IL1RAPL1: variants seen among roughly 807,000 people sequenced by gnomAD.
IL1RAPL1 encodes the protein interleukin-1 receptor accessory protein-like 1.
In IL1RAPL1, 3 loss-of-function variants were observed where a neutral mutation model predicts 48.4. The ratio of observed to expected loss-of-function variants is 0.06; its 90% confidence interval spans 0.03 to 0.16. The LOEUF is 0.16. IL1RAPL1 is among the 10% of genes least tolerant of loss of function. The pLI, the probability that IL1RAPL1 is intolerant of heterozygous loss-of-function variation, is 1.00. For synonymous variants in IL1RAPL1, 185 were observed against 187.7 expected (o/e 0.99, Z 0.12); for missense variants, 349 against 530.6 (o/e 0.66, Z 3.36).
intron 3 of IL1RAPL1, among the ~76,000 whole-genome samples, chrX:29,392,092 G>A (rs1003472676): frequency 9.0e-6 from 1 of 111,314 alleles, no homozygotes; most frequent in Non-Finnish European, 1.9e-5. Flanking sequence ...AGGATAGTGG[G>A]GTGTTTACTC....
intron 2 of IL1RAPL1, among the ~76,000 whole-genome samples, chrX:28,863,867 C>T (rs1173863316): frequency 1.8e-5 from 2 of 111,441 alleles, no homozygotes; most frequent in Non-Finnish European, 3.8e-5. Context: ...AACTTCTAAC[C>T]ATTTCCCCAA....
At chrX:29,219,433 T>C (rs186957182) in intron 2 of IL1RAPL1, among the ~76,000 whole-genome samples, 91 of 111,449 alleles carry the variant, frequency 8.2e-4, no homozygotes, top group Middle Eastern at 4.7e-3. Context: ...AGTGAGCTAC[T>C]AATATGAAGA....
rs761809643 is a variant in IL1RAPL1, at chrX:29,246,150, C to CTTT, written c.83-36765_83-36763dup. Among the ~76,000 whole-genome samples, 308 of 51,633 alleles carry CTTT rather than the reference C, an allele frequency of 6.0e-3. 4 individuals carry two copies. Among genetic ancestry groups the CTTT allele is most frequent in the Middle Eastern group, 0.019 (1 of 53 alleles). 44.8% of individuals were successfully genotyped at this position (51,633 alleles called of 115,157 possible). On this transcript the variant is annotated intron_variant, in intron 2 of 10. Coordinates refer to ENST00000378993, the MANE Select transcript of IL1RAPL1 (RefSeq NM_014271.4). ...AGATTTGTTGTCATCTCTCATCGCT[C>CTTT]TTTTTTTTTTTTTTTTTTTTTTTTT...
At chrX:29,813,813 G>C (rs1481554505) in intron 6 of IL1RAPL1, among the ~76,000 whole-genome samples, 5 of 111,009 alleles carry the variant, frequency 4.5e-5, no homozygotes, top group Non-Finnish European at 5.7e-5. Context: ...TCAATTTTTA[G>C]CTCCCAATTA....
chrX:29,821,622 A>G (rs1478467752), intron 6 of IL1RAPL1, among the ~76,000 whole-genome samples: 1 of 111,861 alleles, frequency 8.9e-6, no homozygotes, highest in African/African-American at 3.2e-5. Context: ...TTATCCTGGG[A>G]TTTAAGGGTC....
intron 2 of IL1RAPL1, among the ~76,000 whole-genome samples, chrX:28,828,632 A>G (rs1052831430): frequency 2.7e-5 from 3 of 112,174 alleles, no homozygotes; most frequent in African/African-American, 9.7e-5. Context: ...TTTGAAATAT[A>G]AATATGTACA....
chrX:28,836,773 A>G (rs972642230), intron 2 of IL1RAPL1, among the ~76,000 whole-genome samples: 2 of 109,926 alleles, frequency 1.8e-5, no homozygotes, highest in Non-Finnish European at 3.8e-5. Flanking sequence ...CATCATCACC[A>G]CCACCACCAC....
intron 5 of IL1RAPL1, among the ~76,000 whole-genome samples, chrX:29,481,518 C>G (rs1367018277): frequency 8.9e-6 from 1 of 112,404 alleles, no homozygotes; most frequent in African/African-American, 3.2e-5. Context: ...AAATGAGGTG[C>G]TGGTGTGGAG....
intron 1 of IL1RAPL1, among the ~76,000 whole-genome samples, chrX:28,730,553 T>G: frequency 9.0e-6 from 1 of 111,674 alleles, no homozygotes; most frequent in Middle Eastern, 4.6e-3. Flanking sequence ...ATAAAAAAAC[T>G]AATAATATTT....
rs1201291892 is a variant in IL1RAPL1, at chrX:29,803,264, TATATGTATACATATAC to T, written c.779-114198_779-114183del. ...ATATGTATACATATACACACATGTA[TATATGTATACATATAC>T]ACACATGTATATATGTATACATATA... On this transcript the variant is annotated intron_variant, in intron 6 of 10. Transcript: ENST00000378993. 2.4e-3 allele frequency among the ~76,000 whole-genome samples: 81 copies of T among 34,268 alleles called. 7 individuals carry two copies. The highest frequency in any genetic ancestry group is 9.6e-3 in the African/African-American group (75 of 7,820). 29.8% of individuals were successfully genotyped at this position (34,268 alleles called of 115,157 possible).
chrX:28,873,732 T>C (rs376041467), intron 2 of IL1RAPL1, among the ~76,000 whole-genome samples: 57 of 106,281 alleles, frequency 5.4e-4, no homozygotes, highest in South Asian at 8.5e-4. Context: ...GGGGTTTCAC[T>C]GTGTTAGCCA....
intron 6 of IL1RAPL1, among the ~76,000 whole-genome samples, chrX:29,846,537 C>T (rs1469035485): frequency 9.1e-6 from 1 of 109,983 alleles, no homozygotes; most frequent in Non-Finnish European, 1.9e-5. Flanking sequence ...AGATAAAGGT[C>T]AAGTCCTAGG....
chrX:29,381,518 A>C lies in IL1RAPL1; in HGVS notation c.363-14740A>C, dbSNP rs1242474525. 3.2e-5 allele frequency among the ~76,000 whole-genome samples: 3 copies of C among 94,878 alleles called. No homozygotes were observed. In the East Asian group the frequency reaches 9.9e-4, roughly 31 times the overall value. The allele number at this position is 94,878 out of a possible 115,157, so 82.4% of individuals were successfully genotyped here. On this transcript the variant is annotated intron_variant, in intron 3 of 10. Coordinates refer to ENST00000378993, the MANE Select transcript of IL1RAPL1 (RefSeq NM_014271.4). ...AAAAAAAAAAAAAAAAAAAAAAAAA[A>C]AAAAAAAAAAACTTAGCTGGACATG...
At chrX:29,928,802 C>T (rs1932914634) in intron 8 of IL1RAPL1, among the ~76,000 whole-genome samples, 1 of 111,730 alleles carries the variant, frequency 9.0e-6, no homozygotes, top group East Asian at 2.8e-4. Flanking sequence ...TAAGTAGTTC[C>T]TGTACGTTGA....
chrX:29,936,417 G>A (rs1454415216), intron 8 of IL1RAPL1, among the ~76,000 whole-genome samples: 1 of 109,716 alleles, frequency 9.1e-6, no homozygotes, highest in African/African-American at 3.3e-5. Context: ...CACTTCAAAA[G>A]ACTTTTTATA....
chrX:29,831,410 C>A (rs1175958439), intron 6 of IL1RAPL1, among the ~76,000 whole-genome samples: 6 of 111,367 alleles, frequency 5.4e-5, no homozygotes, highest in Non-Finnish European at 9.4e-5. Flanking sequence ...AATGGAATCC[C>A]AGGCAGAAGC....
At chrX:29,655,297 C>T (rs975414843) in intron 5 of IL1RAPL1, among the ~76,000 whole-genome samples, 1 of 112,000 alleles carries the variant, frequency 8.9e-6, no homozygotes, top group African/African-American at 3.2e-5. Context: ...CACCTCCCTC[C>T]CACAGCATTG....
At chrX:29,171,410 G>A (rs187784408) in intron 2 of IL1RAPL1, among the ~76,000 whole-genome samples, 252 of 111,557 alleles carry the variant, frequency 2.3e-3, no homozygotes, top group Middle Eastern at 4.6e-3. Context: ...CATAAAATCG[G>A]TGTTAGATTT....
chrX:29,023,714 A>G (rs1413315779), intron 2 of IL1RAPL1, among the ~76,000 whole-genome samples: 1 of 112,237 alleles, frequency 8.9e-6, no homozygotes, highest in Non-Finnish European at 1.9e-5. Context: ...TTGAATTGCC[A>G]CTTATGTCTT....
Sources: gnomAD v4.1 joint callset for allele counts (sites outside exome capture counted in the v4.1 genomes callset) on GRCh38, gnomAD v4.1.1 for gene constraint, MANE v1.5 for transcripts, NCBI Gene and HGNC (gene_info 2026-07-23, HGNC 2026-07-21) for gene names.